The following GPC5 variants were observed in gnomAD, a reference collection of about 807,000 sequenced individuals.
GPC5 encodes the protein glypican 5.
A neutral mutation model predicts 53.9 loss-of-function variants in GPC5; 47 were observed. The ratio of observed to expected loss-of-function variants is 0.87; its 90% CI spans 0.69 to 1.11. The LOEUF is 1.11. Ranked by LOEUF, GPC5 falls within the 50% of genes most tolerant of loss-of-function variation. GPC5 has a pLI of 0.00. For missense variants in GPC5, 748 were observed against 713.1 expected (o/e 1.05, Z -0.56); for synonymous variants, 286 against 263.3 (o/e 1.09, Z -0.84).
chr13:92,511,984 G>A (rs976892529), intron 7 of GPC5, among the ~76,000 whole-genome samples: 6 of 152,134 alleles, frequency 3.9e-5, no homozygotes, highest in African/African-American at 9.7e-5. Flanking sequence ...TGGGTGTCCC[G>A]ATTTCTAGTT....
chr13:92,630,448 T>C (rs1303191267), intron 7 of GPC5, among the ~76,000 whole-genome samples: 1 of 152,158 alleles, frequency 6.6e-6, no homozygotes, highest in Admixed American at 6.5e-5. Context: ...TTCAGCTGAA[T>C]TGAAATGGAT....
chr13:91,668,359 A>G (rs2035166305), intron 2 of GPC5, among the ~76,000 whole-genome samples: 1 of 152,228 alleles, frequency 6.6e-6, no homozygotes, highest in Admixed American at 6.5e-5. Context: ...AGCACATAGC[A>G]TTGAAATGTA....
chr13:92,457,098 G>A (rs999907202), intron 7 of GPC5, among the ~76,000 whole-genome samples: 11 of 151,954 alleles, frequency 7.2e-5, no homozygotes, highest in Admixed American at 4.6e-4. Context: ...GAGAACATGC[G>A]GTATTTGGTT....
chr13:92,281,783 C>T (rs527532212), intron 7 of GPC5, among the ~76,000 whole-genome samples: 13 of 152,156 alleles, frequency 8.5e-5, no homozygotes, highest in East Asian at 3.9e-4. Flanking sequence ...TAGATAAAAC[C>T]GCAAAGATGG....
At chr13:91,464,478 C>T (rs1441009987) in intron 2 of GPC5, among the ~76,000 whole-genome samples, 1 of 152,064 alleles carries the variant, frequency 6.6e-6, no homozygotes, top group East Asian at 1.9e-4. Flanking sequence ...TAATGTGCTT[C>T]AACAGGTGAA....
At chr13:92,234,626 G>C (rs979032665) in intron 7 of GPC5, among the ~76,000 whole-genome samples, 1 of 151,012 alleles carries the variant, frequency 6.6e-6, no homozygotes, top group African/African-American at 2.5e-5. Context: ...TGGCGGTGGT[G>C]GGGGGGTGCA....
chr13:92,122,491 A>G (rs1453529512), intron 6 of GPC5, among the ~76,000 whole-genome samples: 1 of 151,874 alleles, frequency 6.6e-6, no homozygotes, highest in Non-Finnish European at 1.5e-5. Flanking sequence ...CTAACGCCTT[A>G]GAACATACTT....
intron 2 of GPC5, among the ~76,000 whole-genome samples, chr13:91,687,128 T>A (rs1170312541): frequency 6.6e-6 from 1 of 151,810 alleles, no homozygotes. Flanking sequence ...GCCAGAGAGG[T>A]TATTATAACA....
At chr13:92,632,463 CATATATAT>C (rs34336057) in intron 7 of GPC5, among the ~76,000 whole-genome samples, 1 of 120,094 alleles carries the variant, frequency 8.3e-6, no homozygotes, top group African/African-American at 2.8e-5. Context: ...AAATATTCCA[CATATATAT>C]ATATATATAT....
chr13:91,998,767 G>A (rs921432287), intron 6 of GPC5, among the ~76,000 whole-genome samples: 32 of 152,196 alleles, frequency 2.1e-4, no homozygotes, highest in Admixed American at 2.0e-3. Flanking sequence ...TCTTTGCCAG[G>A]AGGTGGCGAG....
chr13:92,694,785 T>A (rs142745622), intron 7 of GPC5, among the ~76,000 whole-genome samples: 1 of 152,156 alleles, frequency 6.6e-6, no homozygotes, highest in South Asian at 2.1e-4. Flanking sequence ...TGATTGTGTT[T>A]TGAAATGTGA....
At chr13:92,613,593 CATTT>C (rs1337739169) in intron 7 of GPC5, among the ~76,000 whole-genome samples, 1 of 116,354 alleles carries the variant, frequency 8.6e-6, no homozygotes, top group Non-Finnish European at 1.7e-5. Flanking sequence ...TTTTATATAT[CATTT>C]TATTATATTT....
chr13:91,905,012 T>C (rs760338256), intron 5 of GPC5, among the ~76,000 whole-genome samples: 3 of 152,004 alleles, frequency 2.0e-5, no homozygotes, highest in Non-Finnish European at 4.4e-5. Context: ...CAAATGGCCT[T>C]AAATCAGTCA....
chr13:92,148,692 C>T (rs17267151), intron 7 of GPC5, among the ~76,000 whole-genome samples: 17,922 of 151,922 alleles, frequency 0.12, 1,489 homozygotes, highest in Admixed American at 0.17. Context: ...ACTTAAAAGT[C>T]GCCTCACCCC....
intron 6 of GPC5, among the ~76,000 whole-genome samples, chr13:91,971,916 G>T (rs1445908082): frequency 6.6e-6 from 1 of 152,142 alleles, no homozygotes; most frequent in African/African-American, 2.4e-5. Context: ...TAGGTGTGGT[G>T]TGGTGCTGGA....
At chr13:91,793,236 G>T (rs1398839760) in intron 5 of GPC5, among the ~76,000 whole-genome samples, 1 of 152,130 alleles carries the variant, frequency 6.6e-6, no homozygotes, top group Admixed American at 6.5e-5. Flanking sequence ...CAGAGGAATT[G>T]CCCTTTGTAA....
chr13:91,519,018 T>A (rs1885659864), intron 2 of GPC5, among the ~76,000 whole-genome samples: 1 of 152,248 alleles, frequency 6.6e-6, no homozygotes, highest in Admixed American at 6.5e-5. Context: ...AGATCTAGTT[T>A]GAAATACGGG....
intron 5 of GPC5, among the ~76,000 whole-genome samples, chr13:91,759,304 A>C (rs2138650527): frequency 6.6e-6 from 1 of 152,166 alleles, no homozygotes; most frequent in East Asian, 1.9e-4. Context: ...ACAGGCATGC[A>C]ATGTGTAATA....
intron 7 of GPC5, among the ~76,000 whole-genome samples, chr13:92,328,419 T>A (rs2043266830): frequency 6.6e-6 from 1 of 152,100 alleles, no homozygotes; most frequent in African/African-American, 2.4e-5. Context: ...AGAGAACAAG[T>A]AAGAAAGATC....
Sources: allele counts gnomAD v4.1 joint callset (sites outside exome capture counted in the v4.1 genomes callset), GRCh38; gene constraint gnomAD v4.1.1; transcripts MANE v1.5; gene names NCBI Gene and HGNC (gene_info 2026-07-23, HGNC 2026-07-21).